The following ARHGAP31 variants were observed in gnomAD, a reference collection of about 807,000 sequenced individuals.
ARHGAP31 encodes Rho GTPase activating protein 31, also known as rho GTPase-activating protein 31.
In ARHGAP31, 34 loss-of-function variants were observed where a neutral mutation model predicts 113.9. The observed-to-expected ratio is 0.30, with a 90% CI of 0.23 to 0.40. The LOEUF (loss-of-function observed/expected upper bound fraction) is 0.40. ARHGAP31 is among the 10% of genes least tolerant of loss of function. The pLI is 1.00. For missense variants in ARHGAP31, 1,548 were observed against 1,767.1 expected (o/e 0.88, Z 2.22); for synonymous variants, 650 against 684.8 (o/e 0.95, Z 0.79).
At chr3:119,411,815 T>C (rs541208403) in intron 11 of ARHGAP31, among the ~76,000 whole-genome samples, 1 of 152,264 alleles carries the variant, frequency 6.6e-6, no homozygotes, top group East Asian at 1.9e-4. Context: ...CAGCAGACCC[T>C]TTATTGAGCC....
rs773314434 is a variant in ARHGAP31 at position 119,409,759 on chromosome 3, G to A, written c.1909G>A (p.Val637Met). ...QESPRARAEA[V>M]LLHEMDEDDL... ...GAGCCCCAGGGCCAGAGCCGAAGCTGTGCTTCTCCATGAGATGGTAAAGTG... is the reference window on the plus strand; with the variant it reads ...GAGCCCCAGGGCCAGAGCCGAAGCTATGCTTCTCCATGAGATGGTAAAGTG... The change falls in exon 11 of 12, where the codon GTG (valine) becomes ATG (methionine). Residue 637 changes from valine (V) to methionine (M), a missense_variant. Transcript: ENST00000264245. 7 of 1,604,494 alleles carry A rather than the reference G, an allele frequency of 4.4e-6. No individual in the cohort carries two copies. Among genetic ancestry groups the A allele is most frequent in the East Asian group, 2.2e-5 (1 of 44,600 alleles).
chr3:119,346,634 G>C (rs1410119783), intron 1 of ARHGAP31, among the ~76,000 whole-genome samples: 1 of 152,208 alleles, frequency 6.6e-6, no homozygotes, highest in Non-Finnish European at 1.5e-5. Context: ...TAATTAATTT[G>C]AGCTGACTGC....
chr3:119,362,565 C>G (rs908516950), intron 1 of ARHGAP31, among the ~76,000 whole-genome samples: 1 of 152,158 alleles, frequency 6.6e-6, no homozygotes, highest in Non-Finnish European at 1.5e-5. Flanking sequence ...ATCAGGAGTT[C>G]AAGACTAGCC....
intron 1 of ARHGAP31, among the ~76,000 whole-genome samples, chr3:119,311,560 G>C (rs2079683781): frequency 6.6e-6 from 1 of 152,192 alleles, no homozygotes; most frequent in Non-Finnish European, 1.5e-5. Context: ...ACCTCTTTGG[G>C]GGGACGTTAC....
chr3:119,348,161 T>C (rs1303005496), intron 1 of ARHGAP31, among the ~76,000 whole-genome samples: 1 of 152,218 alleles, frequency 6.6e-6, no homozygotes, highest in Non-Finnish European at 1.5e-5. Flanking sequence ...GCACAGGCAA[T>C]GGATCTAGGT....
Position 119,415,968 on chromosome 3 carries a change from C to A in ARHGAP31, c.4039C>A (p.Leu1347Ile). ...GTCAAGGCCAGGAAGACCTCAGAGCCTAATCTTATTCAGTCCTCCTTTCCC... is the reference window on the plus strand; with the variant it reads ...GTCAAGGCCAGGAAGACCTCAGAGCATAATCTTATTCAGTCCTCCTTTCCC... ...HRSRPGRPQS[L>I]ILFSPPFPIM... is the part of the protein sequence containing the mutation. The change falls in exon 12 of 12, where the codon CTA becomes ATA. Residue 1347 changes from leucine (L) to isoleucine (I), a missense_variant. By Grantham distance (5) the Leu-to-Ile change is conservative (BLOSUM62 2). Coordinates refer to ENST00000264245, the MANE Select transcript of ARHGAP31 (RefSeq NM_020754.4). 6.2e-7 allele frequency: 1 copy of A among 1,614,186 alleles called. No individual in the cohort carries two copies.
chr3:119,310,837 CT>C (rs879542069), intron 1 of ARHGAP31, among the ~76,000 whole-genome samples: 1 of 152,156 alleles, frequency 6.6e-6, no homozygotes, highest in South Asian at 2.1e-4. Flanking sequence ...CTACCAACTG[CT>C]TTTTTTTAAA....
intron 1 of ARHGAP31, among the ~76,000 whole-genome samples, chr3:119,305,888 A>C (rs2079627157): frequency 6.6e-6 from 1 of 152,232 alleles, no homozygotes. Flanking sequence ...GGCCAGGAGA[A>C]TATCCCCTTC....
intron 1 of ARHGAP31, among the ~76,000 whole-genome samples, chr3:119,348,689 A>G (rs560078623): frequency 2.6e-5 from 4 of 152,250 alleles, no homozygotes; most frequent in Non-Finnish European, 4.4e-5. Flanking sequence ...TGCTATGTAA[A>G]TAGTTGTTAC....
At chr3:119,382,592 ACT>A (rs749937318) in intron 5 of ARHGAP31, among the ~76,000 whole-genome samples, 193 bp downstream of exon 5, 9 of 151,838 alleles carry the variant, frequency 5.9e-5, no homozygotes, top group African/African-American at 1.9e-4. Context: ...TAACTTGGAA[ACT>A]CTGAGTTCTG....
At chr3:119,359,322 A>G (rs1380371363) in intron 1 of ARHGAP31, among the ~76,000 whole-genome samples, 2 of 152,092 alleles carry the variant, frequency 1.3e-5, no homozygotes, top group African/African-American at 4.8e-5. Context: ...TGACTGGCCT[A>G]TATCTCAGGT....
chr3:119,378,118 T>G (rs1485785166), intron 3 of ARHGAP31, among the ~76,000 whole-genome samples: 2 of 152,196 alleles, frequency 1.3e-5, no homozygotes, highest in Non-Finnish European at 2.9e-5. Context: ...AGATTCATCC[T>G]AGATCTTTTA....
At position 119,415,611 on chromosome 3, in the gene ARHGAP31, C is replaced by T; in HGVS notation, c.3682C>T (p.Pro1228Ser). Residue 1228 changes from proline (P) to serine (S), a missense_variant, in exon 12 of 12, where the codon CCT (proline) becomes TCT (serine). Transcript: ENST00000264245. The stretch of plus-strand genomic sequence containing the variant: ...GAGCTCAGGGGAGAATGGGGTTCAG[C>T]CTCTGGAGAGGAGCCAGGAGGGACC... Reference protein sequence around the residue: ...SQSSGENGVQPLERSQEGPSS... With the variant: ...SQSSGENGVQSLERSQEGPSS... 1 of 1,614,166 alleles carries T rather than the reference C, an allele frequency of 6.2e-7. No individual in the cohort carries two copies. Among genetic ancestry groups the T allele is most frequent in the Non-Finnish European group, 8.5e-7 (1 of 1,180,022 alleles).
chr3:119,375,552 A>G (rs1365017201), intron 3 of ARHGAP31, among the ~76,000 whole-genome samples: 1 of 152,188 alleles, frequency 6.6e-6, no homozygotes, highest in Non-Finnish European at 1.5e-5. Context: ...ATAAGGTAAC[A>G]CAGGTTCCAG....
chr3:119,309,291 A>G (rs2079657674), intron 1 of ARHGAP31, among the ~76,000 whole-genome samples: 1 of 152,190 alleles, frequency 6.6e-6, no homozygotes, highest in African/African-American at 2.4e-5. Flanking sequence ...GTAGACTGCA[A>G]GTGTAAAGTG....
At chr3:119,368,331 C>T (rs1321051515) in intron 2 of ARHGAP31, 41 bp from the exon 3 acceptor site, 36 of 1,613,008 alleles carry the variant, frequency 2.2e-5, no homozygotes, top group Non-Finnish European at 3.0e-5. Flanking sequence ...ATGGAACACA[C>T]ACTCCCTGGG....
intron 11 of ARHGAP31, among the ~76,000 whole-genome samples, chr3:119,411,974 A>C (rs756556761): frequency 6.6e-6 from 1 of 152,228 alleles, no homozygotes; most frequent in Non-Finnish European, 1.5e-5. Flanking sequence ...GATTAGAGCT[A>C]GGTGAGAAGG....
At chr3:119,359,433 A>C (rs933436170) in intron 1 of ARHGAP31, among the ~76,000 whole-genome samples, 6 of 151,964 alleles carry the variant, frequency 3.9e-5, no homozygotes, top group Admixed American at 6.5e-5. Context: ...GAAAATTAGA[A>C]AGTGGTTCAT....
Position 119,419,515 on chromosome 3 carries a change from T to C in ARHGAP31, c.*3251T>C, listed in dbSNP as rs192550302. ...ATATTTATTGGGAGCTTAGTAATAG[T>C]GCACTGGGTACCTTAGCACTCCCAA... On this transcript the variant is annotated 3_prime_UTR_variant, in exon 12 of 12. Transcript: ENST00000264245. 2 of 152,206 alleles carry C rather than the reference T, an allele frequency of 1.3e-5. No individual in the cohort carries two copies. The highest frequency in any genetic ancestry group is 2.9e-5 in the Non-Finnish European group (2 of 67,996). 9.4% of individuals were successfully genotyped at this position (152,206 alleles called of 1,614,324 possible).
Sources: gnomAD v4.1 joint callset for allele counts (sites outside exome capture counted in the v4.1 genomes callset) on GRCh38, gnomAD v4.1.1 for gene constraint, MANE v1.5 for transcripts, NCBI Gene and HGNC (gene_info 2026-07-23, HGNC 2026-07-21) for gene names.